Variants in PLAGL1 observed in about 807,000 individuals in gnomAD.
The protein encoded by PLAGL1 is PLAG1 like zinc finger 1.
In PLAGL1, 1 loss-of-function variant was observed where a neutral mutation model predicts 4.6. The observed-to-expected ratio is 0.22, with a 90% confidence interval of 0.08 to 1.03. The LOEUF (loss-of-function observed/expected upper bound fraction) is 1.03, where lower values mean the gene tolerates loss of function less well. Ranked by LOEUF, PLAGL1 falls within the 50% of genes least tolerant of loss-of-function variation. PLAGL1 has a pLI of 0.58. For missense variants in PLAGL1, 464 were observed against 570.4 expected (o/e 0.81, Z 1.90); for synonymous variants, 240 against 237.8 (o/e 1.01, Z -0.08).
At position 144,016,548 on chromosome 6, in the gene PLAGL1, T is replaced by C. The variant is rs1429449139; in HGVS notation, c.-150-47570A>G. ...TGTAAACGACACATGGTCCCATTCA[T>C]AGGAAATTTTAGAAACACAAAATTA... On this transcript the variant is annotated intron_variant, in intron 1 of 3. Transcript: ENST00000437412. The surrounding 1 kb of genome is among the most constrained non-coding windows in gnomAD (Gnocchi z 4.2). 2.0e-5 allele frequency among the ~76,000 whole-genome samples: 3 copies of C among 152,212 alleles called. No individual in the cohort carries two copies. Among genetic ancestry groups the C allele is most frequent in the Non-Finnish European group, 2.9e-5 (2 of 68,040 alleles).
At chr6:144,062,403 A>G (rs1583936774) in intron 1 of PLAGL1, among the ~76,000 whole-genome samples, 1 of 150,336 alleles carries the variant, frequency 6.7e-6, no homozygotes, top group East Asian at 1.9e-4. Flanking sequence ...AGAGAGAGAC[A>G]TCATGAAACA....
intron 7 of PLAGL1, among the ~76,000 whole-genome samples, chr6:143,944,542 T>C (rs963885083): frequency 3.3e-5 from 5 of 152,128 alleles, no homozygotes; most frequent in African/African-American, 1.2e-4. Flanking sequence ...AATGATAACA[T>C]GATGGGTACC....
Position 143,963,839 on chromosome 6 carries a change from A to G in PLAGL1, c.-399+948T>C, listed in dbSNP as rs1054169693. On this transcript the variant is annotated intron_variant, in intron 5 of 7. Coordinates refer to ENST00000674357, the MANE Select transcript of PLAGL1 (RefSeq NM_001317162.2). The surrounding 1 kb of genome is among the most constrained non-coding windows in gnomAD (Gnocchi z 6.1). ...GCCTCCAAATCAGCATAGCACAACA[A>G]CTCCAGAATTTTACTTTGTTTGAAT... Among the ~76,000 whole-genome samples, 14 of 152,004 alleles carry G rather than the reference A, an allele frequency of 9.2e-5. No homozygotes were observed. Among genetic ancestry groups the G allele is most frequent in the African/African-American group, 3.4e-4 (14 of 41,346 alleles).
chr6:143,993,371 A>ACACACACACAC (rs1790951350), intron 1 of PLAGL1, among the ~76,000 whole-genome samples: 1 of 103,614 alleles, frequency 9.7e-6, no homozygotes, highest in South Asian at 3.6e-4. Flanking sequence ...CACACACACA[A>ACACACACACAC]TTGACATGTG....
At position 143,965,077 on chromosome 6, in the gene PLAGL1, T is replaced by C. The variant is rs1433238916; in HGVS notation, c.-430-259A>G. ...ATGGAAATGATTGCATGCTGGAAAC[T>C]GAGATGCTTTAGGGGAGAGAAGATC... On this transcript the variant is annotated intron_variant, in intron 4 of 7. Coordinates refer to ENST00000674357, the MANE Select transcript of PLAGL1 (RefSeq NM_001317162.2). The surrounding 1 kb of genome is among the most constrained non-coding windows in gnomAD (Gnocchi z 7.5). 6.6e-6 allele frequency: 1 copy of C among 152,124 alleles called. No individual in the cohort carries two copies. The highest frequency in any genetic ancestry group is 2.4e-5 in the African/African-American group (1 of 41,406). The allele number at this position is 152,124 out of a possible 1,614,324, so 9.4% of individuals were successfully genotyped here.
chr6:144,024,666 A>T (rs1796214023), intron 1 of PLAGL1, among the ~76,000 whole-genome samples: 3 of 152,232 alleles, frequency 2.0e-5, no homozygotes, highest in African/African-American at 7.2e-5. Context: ...ACAGACTAAT[A>T]CACTTGAGCA....
At chr6:143,944,793 T>A (rs1313835722) in intron 7 of PLAGL1, among the ~76,000 whole-genome samples, 2 of 152,082 alleles carry the variant, frequency 1.3e-5, no homozygotes, top group Admixed American at 1.3e-4. Context: ...CTTTTTTTTT[T>A]TTTTTCTGGC....
intron 1 of PLAGL1, among the ~76,000 whole-genome samples, chr6:143,986,779 G>A (rs1789271320): frequency 6.6e-6 from 1 of 152,152 alleles, no homozygotes; most frequent in Non-Finnish European, 1.5e-5. Flanking sequence ...ATTCAACAGT[G>A]CTTAAAAGGC....
At chr6:144,030,705 C>T (rs1796753428) in intron 1 of PLAGL1, among the ~76,000 whole-genome samples, 1 of 152,128 alleles carries the variant, frequency 6.6e-6, no homozygotes, top group Non-Finnish European at 1.5e-5. Context: ...AGTAGCAGTC[C>T]ATGGTATACA....
chr6:143,971,237 A>G lies in PLAGL1; in HGVS notation c.-543-2259T>C, dbSNP rs1761656974. Among the ~76,000 whole-genome samples, 1 of 152,154 alleles carries G rather than the reference A, an allele frequency of 6.6e-6. No individual in the cohort carries two copies. The highest frequency in any genetic ancestry group is 2.4e-5 in the African/African-American group (1 of 41,440). On this transcript the variant is annotated intron_variant, in intron 2 of 7. Transcript: ENST00000674357. This position sits in a 1 kb window ranked among gnomAD's most constrained non-coding sequence, Gnocchi z 4.7. ...ACCCGACGTTATTTGTACAACCCAT[A>G]CAAATGCCCCTTCCTCTACGAGATT...
chr6:143,948,336 A>G lies in PLAGL1; in HGVS notation c.-200T>C. 2 of 553,842 alleles carry G rather than the reference A, an allele frequency of 3.6e-6. No individual in the cohort carries two copies. The highest frequency in any genetic ancestry group is 3.0e-5 in the East Asian group (1 of 33,214). The allele number at this position is 553,842 out of a possible 1,614,324, so 34.3% of individuals were successfully genotyped here. A position where few individuals can be genotyped will look rare whatever the true frequency, so the allele number is the denominator to read the frequency against. On this transcript the variant is annotated 5_prime_UTR_variant, in exon 7 of 8. Coordinates refer to ENST00000674357, the MANE Select transcript of PLAGL1 (RefSeq NM_001317162.2). This position sits in a 1 kb window ranked among gnomAD's most constrained non-coding sequence, Gnocchi z 6.0. ...GTCACTAGCTTTGCTTCCTGCTTTC[A>G]CACATCCCAGTTTACATGCAGTCTC...
In PLAGL1 at chr6:143,942,246, G is replaced by A. The variant is rs767098050; in HGVS notation, c.570C>T (p.Ala190=). 2 of 1,614,006 alleles carry A rather than the reference G, an allele frequency of 1.2e-6. No individual in the cohort carries two copies. The highest frequency in any genetic ancestry group is 1.3e-5 in the African/African-American group (1 of 74,898). Residue 190 remains alanine (A), a synonymous_variant, in exon 8 of 8, where the codon GCC becomes GCT. Transcript: ENST00000674357. The surrounding 1 kb of genome is among the most constrained non-coding windows in gnomAD (Gnocchi z 7.6). ...GCKDFLCQFC[A]QRFGRKDHLT... ...GGTGATCCTTGCGCCCAAATCTCTGGGCACAGAACTGGCACAGGAAGTCCT... is the reference window on the plus strand; with the variant it reads ...GGTGATCCTTGCGCCCAAATCTCTGAGCACAGAACTGGCACAGGAAGTCCT...
At position 144,014,133 on chromosome 6, in the gene PLAGL1, C is replaced by G. The variant is rs2128691533; in HGVS notation, c.-150-45155G>C. On this transcript the variant is annotated intron_variant, in intron 1 of 3. Coordinates refer to the PLAGL1 transcript ENST00000437412. ...ACGCCTACTATAAGGCTAGACTAAT[C>G]AAGACAATAGGGTAATGGCTGGGCA... Among the ~76,000 whole-genome samples, 3 of 152,202 alleles carry G rather than the reference C, an allele frequency of 2.0e-5. 1 individual carries two copies. The highest frequency in any genetic ancestry group is 2.0e-4 in the Admixed American group (3 of 15,274).
Position 143,985,894 on chromosome 6 carries a change from AT to A in PLAGL1, c.-583-721del, listed in dbSNP as rs1361003685. Among the ~76,000 whole-genome samples, 2 of 119,394 alleles carry A rather than the reference AT, an allele frequency of 1.7e-5. No homozygotes were observed. The highest frequency in any genetic ancestry group is 3.6e-5 in the Non-Finnish European group (2 of 55,034). The allele number at this position is 119,394 out of a possible 152,430, so 78.3% of individuals were successfully genotyped here. ...TCGGCCAAGCTACATATTATATATT[AT>A]TATGTGTGTGTGTGTGTGTGTGTAT... On this transcript the variant is annotated intron_variant, in intron 1 of 7. Coordinates refer to ENST00000674357, the MANE Select transcript of PLAGL1 (RefSeq NM_001317162.2). The surrounding 1 kb of genome is among the most constrained non-coding windows in gnomAD (Gnocchi z 4.4).
chr6:144,030,376 G>T (rs1322683173), intron 1 of PLAGL1, among the ~76,000 whole-genome samples: 1 of 151,786 alleles, frequency 6.6e-6, no homozygotes, highest in Non-Finnish European at 1.5e-5. Context: ...GGTTTTTGGG[G>T]AGCAGGTGGT....
rs749560182 is a variant in PLAGL1 at position 143,968,431 on chromosome 6, T to C, written c.-472+476A>G. 4.6e-5 allele frequency: 7 copies of C among 152,042 alleles called. No individual in the cohort carries two copies. The highest frequency in any genetic ancestry group is 1.0e-4 in the Non-Finnish European group (7 of 68,006). 9.4% of individuals were successfully genotyped at this position (152,042 alleles called of 1,614,324 possible). Reference sequence around the variant, plus strand: ...ATTGTAACATACGTTACATTCTAGATATCTGATTCTAAATGGTGGACCCTA... The same window carrying C: ...ATTGTAACATACGTTACATTCTAGACATCTGATTCTAAATGGTGGACCCTA... On this transcript the variant is annotated intron_variant, in intron 3 of 7. Transcript: ENST00000674357. The surrounding 1 kb of genome is among the most constrained non-coding windows in gnomAD (Gnocchi z 6.3).
intron 1 of PLAGL1, among the ~76,000 whole-genome samples, chr6:144,046,542 C>T (rs1395389910): frequency 6.6e-6 from 1 of 152,148 alleles, no homozygotes; most frequent in Non-Finnish European, 1.5e-5. Flanking sequence ...ATATTCCTGG[C>T]TGATCCTTCC....
At chr6:144,028,329 G>A (rs1796524975) in intron 1 of PLAGL1, among the ~76,000 whole-genome samples, 1 of 152,108 alleles carries the variant, frequency 6.6e-6, no homozygotes, top group Admixed American at 6.5e-5. Context: ...TGTAGTCACA[G>A]CTCCAAGGGT....
rs1180572249 is a variant in PLAGL1, at chr6:143,965,453, G to C, written c.-430-635C>G. 6.6e-6 allele frequency: 1 copy of C among 152,176 alleles called. No individual in the cohort carries two copies. Among genetic ancestry groups the C allele is most frequent in the Non-Finnish European group, 1.5e-5 (1 of 68,058 alleles). The allele number at this position is 152,176 out of a possible 1,614,324, so 9.4% of individuals were successfully genotyped here. On this transcript the variant is annotated intron_variant, in intron 4 of 7. Coordinates refer to ENST00000674357, the MANE Select transcript of PLAGL1 (RefSeq NM_001317162.2). The surrounding 1 kb of genome is among the most constrained non-coding windows in gnomAD (Gnocchi z 7.5). ...AGGGACCCCATTTTTCTGCCAAATA[G>C]GCACACTATTAAATCTGATGGGCAT...
Sources: gnomAD v4.1 joint callset for allele counts (sites outside exome capture counted in the v4.1 genomes callset) on GRCh38, gnomAD v4.1.1 for gene constraint, Gnocchi (gnomAD v3.1) non-coding constraint, MANE v1.5 for transcripts, NCBI Gene and HGNC (gene_info 2026-07-23, HGNC 2026-07-21) for gene names.